Variants in CLECL1 observed in about 807,000 individuals in gnomAD.
The protein encoded by CLECL1 is C-type lectin like 1.
chr12:9,733,019 A>C, exon 1 of CLECL1: 1 of 1,614,228 alleles, frequency 6.2e-7, no homozygotes, highest in Non-Finnish European at 8.5e-7. Flanking sequence ...CGTAGACTAC[A>C]TCTCCAGCCA....
At chr12:9,727,307 A>G (rs1866391566) in intron 3 of CLECL1, among the ~76,000 whole-genome samples, 3 of 152,010 alleles carry the variant, frequency 2.0e-5, no homozygotes, top group Middle Eastern at 6.8e-3. Context: ...AAAACAAAAT[A>G]AAATACAATT....
At chr12:9,728,938 C>T (rs993784720) in intron 2 of CLECL1, among the ~76,000 whole-genome samples, 1 of 43,614 alleles carries the variant, frequency 2.3e-5, no homozygotes, top group Non-Finnish European at 4.8e-5. Context: ...GTGACATAGA[C>T]ACTGCATTGA....
chr12:9,718,757 C>T (rs1005157379), downstream of CLECL1: 2 of 700,464 alleles, frequency 2.9e-6, no homozygotes, highest in Non-Finnish European at 2.6e-6. Context: ...TTTGAAGGTA[C>T]AGCAAAAAGG....
chr12:9,731,902 C>G (rs754342418), intron 1 of CLECL1, among the ~76,000 whole-genome samples: 33 of 152,100 alleles, frequency 2.2e-4, no homozygotes, highest in Non-Finnish European at 3.7e-4. Context: ...GAAAAAGAAA[C>G]TAACTACAGG....
the CLECL1 span, among the ~76,000 whole-genome samples, chr12:9,702,211 T>C: frequency 6.6e-6 from 1 of 152,102 alleles, no homozygotes; most frequent in Non-Finnish European, 1.5e-5. Flanking sequence ...GAGGATTTTA[T>C]TGAGGGATGG....
downstream of CLECL1, among the ~76,000 whole-genome samples, chr12:9,712,153 C>T (rs1027810723): frequency 2.6e-5 from 4 of 152,184 alleles, no homozygotes; most frequent in African/African-American, 9.7e-5. Context: ...AAAATAGCTG[C>T]CAACCCAAAC....
exon 3 of CLECL1, chr12:9,716,577 C>A: frequency 4.3e-6 from 1 of 230,338 alleles, no homozygotes. Context: ...TCAGCCATCT[C>A]CTGGCGGCTG....
intron 2 of CLECL1, among the ~76,000 whole-genome samples, chr12:9,728,710 A>C (rs2401396): frequency 6.6e-6 from 1 of 151,900 alleles, no homozygotes; most frequent in East Asian, 1.9e-4. Flanking sequence ...GCTAATTATT[A>C]TTGCTCCCCC....
downstream of CLECL1, among the ~76,000 whole-genome samples, chr12:9,719,423 G>A (rs539603691): frequency 3.7e-4 from 56 of 152,370 alleles, no homozygotes; most frequent in Middle Eastern, 3.4e-3. Flanking sequence ...CTACTGGGGA[G>A]GCTGAGGCAG....
At chr12:9,725,766 T>C (rs888129044) in intron 3 of CLECL1, among the ~76,000 whole-genome samples, 7 of 152,064 alleles carry the variant, frequency 4.6e-5, no homozygotes, top group African/African-American at 1.7e-4. Context: ...GTTAAACATA[T>C]TGCTTTCTTT....
chr12:9,706,372 G>A, the CLECL1 span, among the ~76,000 whole-genome samples: 1 of 152,100 alleles, frequency 6.6e-6, no homozygotes, highest in Non-Finnish European at 1.5e-5. Flanking sequence ...TGATTGCCCA[G>A]GCCAAAACTT....
At chr12:9,719,976 T>C (rs1260610461), downstream of CLECL1, among the ~76,000 whole-genome samples, 3 of 152,204 alleles carry the variant, frequency 2.0e-5, no homozygotes, top group African/African-American at 4.8e-5. Context: ...GCATTCTCTT[T>C]TACTCCTTTT....
At chr12:9,732,828 A>C (rs1866463356) in intron 1 of CLECL1, 121 bp downstream of exon 1, 2 of 760,320 alleles carry the variant, frequency 2.6e-6, no homozygotes, top group East Asian at 5.2e-5. Context: ...CTTAGCATTC[A>C]ATGAATTTTG....
At chr12:9,733,874 G>T (rs1866485121), upstream of CLECL1, among the ~76,000 whole-genome samples, 1 of 152,144 alleles carries the variant, frequency 6.6e-6, no homozygotes, top group African/African-American at 2.4e-5. Flanking sequence ...AAGGCTCAGG[G>T]TCCTATTAGT....
chr12:9,707,753 AC>A, the CLECL1 span, among the ~76,000 whole-genome samples: 12 of 151,682 alleles, frequency 7.9e-5, no homozygotes, highest in African/African-American at 2.7e-4. Context: ...TTCTTCCAAA[AC>A]CCTGCCACTT....
intron 2 of CLECL1, among the ~76,000 whole-genome samples, chr12:9,728,591 T>A (rs1409103975): frequency 6.6e-6 from 1 of 151,840 alleles, no homozygotes; most frequent in Non-Finnish European, 1.5e-5. Context: ...TAGTAACACA[T>A]CAATTTTAGT....
At chr12:9,718,596 T>A, downstream of CLECL1, 1 of 538,876 alleles carries the variant, frequency 1.9e-6, no homozygotes, top group Non-Finnish European at 3.3e-6. Context: ...TCTCAGAATG[T>A]GACTGTATAT....
exon 4 of CLECL1, chr12:9,722,741 T>G (rs1866329648): frequency 6.2e-7 from 1 of 1,613,936 alleles, no homozygotes; most frequent in Non-Finnish European, 8.5e-7. Flanking sequence ...AGCAATCCAG[T>G]AACATTTTCC....
the CLECL1 span, chr12:9,703,973 T>C: frequency 6.6e-6 from 1 of 152,208 alleles, no homozygotes; most frequent in African/African-American, 2.4e-5. Flanking sequence ...TCCACCTTAA[T>C]GTTACTCTTT....
Sources: allele counts gnomAD v4.1 joint callset (sites outside exome capture counted in the v4.1 genomes callset), GRCh38; gene constraint gnomAD v4.1.1; transcripts MANE v1.5; gene names NCBI Gene and HGNC (gene_info 2026-07-23, HGNC 2026-07-21).